The following LSR variants were observed in gnomAD, a reference collection of about 807,000 sequenced individuals.
LSR encodes lipolysis-stimulated lipoprotein receptor.
A neutral mutation model predicts 61.8 loss-of-function variants in LSR; 44 were observed. The observed-to-expected ratio is 0.71, with a 90% CI of 0.56 to 0.91. LSR has a LOEUF of 0.91. Among genes scored for constraint, LSR ranks in the 40% least tolerant of loss-of-function variants. The pLI, the probability that LSR is intolerant of heterozygous loss-of-function variation, is 0.00. For missense variants in LSR, 911 were observed against 830.5 expected (o/e 1.10, Z -1.19); for synonymous variants, 397 against 350.6 (o/e 1.13, Z -1.48).
In LSR at chr19:35,267,172, C is replaced by A; in HGVS notation, c.1208C>A (p.Ala403Asp). 6.6e-7 allele frequency: 1 copy of A among 1,526,386 alleles called. No homozygotes were observed. Among genetic ancestry groups the A allele is most frequent in the Non-Finnish European group, 8.8e-7 (1 of 1,140,408 alleles). The allele number at this position is 1,526,386 out of a possible 1,614,324, so 94.6% of individuals were successfully genotyped here. A position where few individuals can be genotyped will look rare whatever the true frequency, so the allele number is the denominator to read the frequency against. Reference protein sequence around the residue: ...DWRSRPSRGPALTPIRDEEWG... With the variant: ...DWRSRPSRGPDLTPIRDEEWG... ...CGATCTCGGCCTTCCCGGGGCCCTG[C>A]CCTCACCCCGATCCGGGATGAGGAG... Residue 403 changes from alanine to aspartate, a missense_variant, in exon 9 of 10, where the codon GCC (alanine) becomes GAC (aspartate). Physicochemically the swap from Ala to Asp is moderately radical, Grantham distance 126. Coordinates refer to ENST00000605618, the MANE Select transcript of LSR (RefSeq NM_205834.4).
chr19:35,262,358 T>C (rs561806208), intron 4 of LSR, among the ~76,000 whole-genome samples, 188 bp from the exon 5 acceptor site: 5 of 152,216 alleles, frequency 3.3e-5, no homozygotes, highest in Admixed American at 3.3e-4. Flanking sequence ...ATGGCCGGGA[T>C]GGTAGAATGG....
chr19:35,267,593 G>A lies in LSR; in HGVS notation c.1629G>A (p.Leu543=), dbSNP rs1320843642. 3 of 1,612,284 alleles carry A rather than the reference G, an allele frequency of 1.9e-6. No individual in the cohort carries two copies. The highest frequency in any genetic ancestry group is 2.5e-6 in the Non-Finnish European group (3 of 1,179,688). ...SGDLPYDGRL[L]EEAVRKKGSE... is the part of the protein sequence containing the mutation. ...ACCTCCCCTATGATGGGCGGCTACTGGAGGAGGCTGTGAGGAAGAAGGGGT... is the reference window on the plus strand; with the variant it reads ...ACCTCCCCTATGATGGGCGGCTACTAGAGGAGGCTGTGAGGAAGAAGGGGT... The change falls in exon 9 of 10, where the codon CTG becomes CTA. Residue 543 remains leucine (L), a synonymous_variant. Transcript: ENST00000605618.
At chr19:35,262,003 T>A (rs750194483) in intron 4 of LSR, 22 bp downstream of exon 4, 4 of 1,521,008 alleles carry the variant, frequency 2.6e-6, no homozygotes, top group Non-Finnish European at 3.5e-6. Context: ...GGATCCTGAG[T>A]TGGGCTTCTC....
At chr19:35,262,717 C>T (rs1393765992) in intron 5 of LSR, 25 bp downstream of exon 5, 2 of 1,607,888 alleles carry the variant, frequency 1.2e-6, no homozygotes, top group Non-Finnish European at 1.7e-6. Context: ...CATGGCCACC[C>T]TGGTTTGGGC....
At chr19:35,262,014 G>A (rs2073899) in intron 4 of LSR, 33 bp downstream of exon 4, 302,577 of 1,514,382 alleles carry the variant, frequency 0.2, 32,238 homozygotes, top group Middle Eastern at 0.22. Flanking sequence ...TGGGCTTCTC[G>A]GGAGCTCCCA....
Position 35,262,560 on chromosome 19 carries a change from G to C in LSR, c.646G>C (p.Val216Leu). ...AGPIEDWLFV[V>L]VVCLAAFLIF... ...TCTTTCTGCAGACTGGCTCTTCGTGGTTGTGGTATGCCTGGCTGCCTTCCT... is the reference window on the plus strand; with the variant it reads ...TCTTTCTGCAGACTGGCTCTTCGTGCTTGTGGTATGCCTGGCTGCCTTCCT... Residue 216 changes from valine to leucine, a missense_variant, in exon 5 of 10, where the codon GTT becomes CTT. Coordinates refer to ENST00000605618, the MANE Select transcript of LSR (RefSeq NM_205834.4). 6.2e-7 allele frequency: 1 copy of C among 1,614,234 alleles called. No individual in the cohort carries two copies. Among genetic ancestry groups the C allele is most frequent in the Non-Finnish European group, 8.5e-7 (1 of 1,180,038 alleles).
rs763977095 is a variant in LSR at position 35,267,744 on chromosome 19, G to A, written c.1770+10G>A. The A allele has an allele frequency of 3.7e-6, 6 of 1,610,426 alleles. No individual in the cohort carries two copies. In the African/African-American group the frequency reaches 4.0e-5, roughly 11 times the overall value. ...GCGCAGGCTCAAGAAGGTGAGGGCC[G>A]CCCTCCCTGGCGTCCAGACCGTCCC... On this transcript the variant is annotated intron_variant, in intron 9 of 9. Coordinates refer to ENST00000605618, the MANE Select transcript of LSR (RefSeq NM_205834.4).
In LSR at chr19:35,266,857, T is replaced by C; in HGVS notation, c.1034T>C (p.Ile345Thr). ...VASEVRSGYR[I>T]QASQQDDSMR... ...CTAGAAGTCCGCAGTGGCTACAGGATTCAGGCCAGCCAGCAGGACGACTCC... is the reference window on the plus strand; with the variant it reads ...CTAGAAGTCCGCAGTGGCTACAGGACTCAGGCCAGCCAGCAGGACGACTCC... The change falls in exon 8 of 10, where the codon ATT (isoleucine) becomes ACT (threonine). Residue 345 changes from isoleucine (I) to threonine (T), a missense_variant. By Grantham distance (89) the Ile-to-Thr change is moderately conservative. Coordinates refer to ENST00000605618, the MANE Select transcript of LSR (RefSeq NM_205834.4). The C allele has an allele frequency of 6.2e-7, 1 of 1,610,380 alleles. No individual in the cohort carries two copies. Among genetic ancestry groups the C allele is most frequent in the Non-Finnish European group, 8.5e-7 (1 of 1,178,456 alleles).
Position 35,259,045 on chromosome 19 carries a change from C to T in LSR, c.555C>T (p.Tyr185=), listed in dbSNP as rs140972436. 7.4e-5 allele frequency: 119 copies of T among 1,613,862 alleles called. 1 individual carries two copies. The East Asian group carries it at 2.4e-3, about 32-fold the overall frequency. Residue 185 remains tyrosine, a synonymous_variant, in exon 3 of 10, where the codon TAC becomes TAT. Coordinates refer to ENST00000605618, the MANE Select transcript of LSR (RefSeq NM_205834.4). ...AQDLQGNNEA[Y]AELIVLGRTS... is the part of the protein sequence containing the mutation. ...ACCTCCAGGGGAACAATGAGGCCTACGCAGAGCTCATCGTCCTTGGTGAGT... is the reference window on the plus strand; with the variant it reads ...ACCTCCAGGGGAACAATGAGGCCTATGCAGAGCTCATCGTCCTTGGTGAGT...
chr19:35,257,775 G>A lies in LSR; in HGVS notation c.455-1170G>A, dbSNP rs75813778. 2.6e-5 allele frequency among the ~76,000 whole-genome samples: 4 copies of A among 152,190 alleles called. No homozygotes were observed. In the East Asian group the frequency reaches 7.7e-4, roughly 29 times the overall value. On this transcript the variant is annotated intron_variant, in intron 2 of 9. Transcript: ENST00000605618. The stretch of plus-strand genomic sequence containing the variant: ...CCTGGTCCCACCCTGGTGAAAGGCT[G>A]AAGGTATTTAATTAGTGCCTGAGAA...
intron 4 of LSR, 83 bp from the exon 5 acceptor site, chr19:35,262,463 G>A: frequency 2.7e-6 from 4 of 1,502,426 alleles, no homozygotes; most frequent in Non-Finnish European, 3.7e-6. Context: ...CTCAGTGCTG[G>A]CTCCGCACCA....
At position 35,266,745 on chromosome 19, in the gene LSR, A is replaced by T; in HGVS notation, c.1012+7A>T. ...GACAGCAGTGTGGCCTCTGGTGAGA[A>T]TCCATCGTCCCGAAGTTGGATGTGC... On this transcript the variant is annotated splice_region_variant and intron_variant, in intron 7 of 9. Transcript: ENST00000605618. 6.2e-7 allele frequency: 1 copy of T among 1,609,234 alleles called. No individual in the cohort carries two copies. Among genetic ancestry groups the T allele is most frequent in the Non-Finnish European group, 8.5e-7 (1 of 1,177,994 alleles).
At chr19:35,254,292 C>T (rs2065830613) in intron 2 of LSR, among the ~76,000 whole-genome samples, 1 of 152,166 alleles carries the variant, frequency 6.6e-6, no homozygotes. Context: ...GATGGGATTT[C>T]GCCATGTTGG....
At chr19:35,266,270 C>T (rs1260325677) in intron 5 of LSR, 89 bp from the exon 6 acceptor site, 3 of 1,097,742 alleles carry the variant, frequency 2.7e-6, no homozygotes, top group Non-Finnish European at 2.6e-6. Flanking sequence ...GGAAGGAGGT[C>T]CAGGCCCAGG....
intron 5 of LSR, chr19:35,264,397 T>G (rs561428725): frequency 6.6e-6 from 1 of 152,272 alleles, no homozygotes; most frequent in Admixed American, 6.5e-5. Context: ...TTTGTGAATA[T>G]CCCAACGGGA....
At chr19:35,253,671 T>G (rs2065822965) in intron 2 of LSR, 1 of 152,286 alleles carries the variant, frequency 6.6e-6, no homozygotes, top group Non-Finnish European at 1.5e-5. Context: ...GGCACCAGGC[T>G]TGCTTGCCCT....
chr19:35,266,489 G>A lies in LSR; in HGVS notation c.909G>A (p.Gly303=). ...AMIPMGPAYN[G]YPGGYPGDVD... ...TTCCCATGGGCCCTGCCTACAACGG[G>A]TACCCTGGAGGATACCCTGGAGACG... The change falls in exon 6 of 10, where the codon GGG becomes GGA. Residue 303 remains glycine (G), a synonymous_variant. Transcript: ENST00000605618. The A allele has an allele frequency of 1.2e-6, 2 of 1,611,890 alleles. No homozygotes were observed. Among genetic ancestry groups the A allele is most frequent in the Non-Finnish European group, 1.7e-6 (2 of 1,178,770 alleles).
At chr19:35,262,886 T>C (rs1195461197) in intron 5 of LSR, 194 bp downstream of exon 5, 3 of 616,580 alleles carry the variant, frequency 4.9e-6, no homozygotes, top group Non-Finnish European at 8.3e-6. Context: ...AGTTTATTTT[T>C]ATTTATGTTG....
At chr19:35,255,426 T>C (rs2065844311) in intron 2 of LSR, among the ~76,000 whole-genome samples, 1 of 151,590 alleles carries the variant, frequency 6.6e-6, no homozygotes, top group Non-Finnish European at 1.5e-5. Context: ...AAAGAATGTG[T>C]GTAGAGGGGC....
Sources: allele counts gnomAD v4.1 joint callset (sites outside exome capture counted in the v4.1 genomes callset), GRCh38; gene constraint gnomAD v4.1.1; transcripts MANE v1.5; gene names NCBI Gene and HGNC (gene_info 2026-07-23, HGNC 2026-07-21).